The following TSGA10 variants were observed in gnomAD, a reference collection of about 807,000 sequenced individuals.
TSGA10 encodes testis-specific gene 10 protein.
A neutral mutation model predicts 96.6 loss-of-function variants in TSGA10; 43 were observed. The observed-to-expected ratio is 0.44, with a 90% confidence interval of 0.35 to 0.57. The LOEUF is 0.57. Among genes scored for constraint, TSGA10 ranks in the 20% least tolerant of loss-of-function variants. The pLI is 0.01. For missense variants in TSGA10, 703 were observed against 834.4 expected, an observed-to-expected ratio of 0.84 and a Z score of 1.94; for synonymous variants, 229 against 269.9, an observed-to-expected ratio of 0.85 and a Z score of 1.48.
intron 12 of TSGA10, among the ~76,000 whole-genome samples, chr2:99,077,945 G>C (rs1359254518): frequency 6.6e-6 from 1 of 151,858 alleles, no homozygotes; most frequent in Non-Finnish European, 1.5e-5. Context: ...AGCCCTATAT[G>C]ATCTATTCTC....
chr2:99,115,816 T>C (rs1574487715), intron 4 of TSGA10, among the ~76,000 whole-genome samples: 1 of 151,890 alleles, frequency 6.6e-6, no homozygotes, highest in Non-Finnish European at 1.5e-5. Context: ...GAGGTGGAGG[T>C]TGCAGTGAGC....
intron 20 of TSGA10, among the ~76,000 whole-genome samples, chr2:99,014,764 G>A (rs1009852940): frequency 6.6e-6 from 1 of 152,136 alleles, no homozygotes; most frequent in Non-Finnish European, 1.5e-5. Flanking sequence ...AAGAAAAGAA[G>A]AGAGAAGATC....
intron 20 of TSGA10, among the ~76,000 whole-genome samples, chr2:99,016,401 C>A (rs187002837): frequency 2.0e-5 from 3 of 152,076 alleles, no homozygotes; most frequent in Non-Finnish European, 4.4e-5. Context: ...GGGGAAAGGA[C>A]ATCTTATTCA....
intron 16 of TSGA10, among the ~76,000 whole-genome samples, chr2:99,051,473 T>C (rs2083387985): frequency 6.6e-6 from 1 of 152,024 alleles, no homozygotes; most frequent in African/African-American, 2.4e-5. Context: ...AACAAAGCAC[T>C]AAGTAAATGA....
chr2:99,011,473 A>G (rs1189617834), intron 20 of TSGA10, among the ~76,000 whole-genome samples: 2 of 152,206 alleles, frequency 1.3e-5, no homozygotes, highest in Non-Finnish European at 2.9e-5. Context: ...ACAAAGACAA[A>G]AAAGAATTTT....
chr2:99,035,615 T>C (rs1479927261), intron 16 of TSGA10, among the ~76,000 whole-genome samples, 176 bp from the exon 17 acceptor site: 1 of 131,990 alleles, frequency 7.6e-6, no homozygotes, highest in Non-Finnish European at 1.6e-5. Context: ...AATTCAGGTT[T>C]TGACTTTTTT....
intron 5 of TSGA10, among the ~76,000 whole-genome samples, chr2:99,109,722 T>G (rs1259636070): frequency 6.6e-6 from 1 of 152,252 alleles, no homozygotes; most frequent in Non-Finnish European, 1.5e-5. Flanking sequence ...AGCAGTTAGA[T>G]ATCTTTCTTT....
intron 1 of TSGA10, among the ~76,000 whole-genome samples, chr2:99,137,789 CCAA>C (rs1453969691): frequency 6.6e-6 from 1 of 151,198 alleles, no homozygotes; most frequent in African/African-American, 2.4e-5. Flanking sequence ...TATATTTGAA[CCAA>C]CAACATTTGC....
Position 99,154,877 on chromosome 2 carries a change from G to A in TSGA10, c.-805C>T, listed in dbSNP as rs1222221498. ...GCTGCCGGGACCCCACGGCTCCGCA[G>A]GCGGAGAGACTAGGCGCGATCCCTG... On this transcript the variant is annotated 5_prime_UTR_variant, in exon 1 of 21. Transcript: ENST00000393483. The A allele has an allele frequency of 1.1e-5, 4 of 365,124 alleles. No individual in the cohort carries two copies. Among genetic ancestry groups the A allele is most frequent in the African/African-American group, 6.4e-5 (3 of 46,846 alleles). The allele number at this position is 365,124 out of a possible 1,614,324, so 22.6% of individuals were successfully genotyped here. A position where few individuals can be genotyped will look rare whatever the true frequency, so the allele number is the denominator to read the frequency against.
chr2:99,134,920 G>A (rs2093260194), intron 1 of TSGA10, among the ~76,000 whole-genome samples: 1 of 152,228 alleles, frequency 6.6e-6, no homozygotes. Flanking sequence ...GCAAACAGCA[G>A]AAGCTGCAGA....
intron 10 of TSGA10, among the ~76,000 whole-genome samples, chr2:99,101,547 C>T (rs2090732432): frequency 6.6e-6 from 1 of 151,364 alleles, no homozygotes; most frequent in Non-Finnish European, 1.5e-5. Flanking sequence ...GAAGGCAGGT[C>T]ATTAGAAAAT....
chr2:99,102,482 T>A, intron 10 of TSGA10: 1 of 1,614,004 alleles, frequency 6.2e-7, no homozygotes, highest in Non-Finnish European at 8.5e-7. Context: ...TTGCTCTGAT[T>A]TTTGCCATTC....
chr2:99,013,437 A>G (rs931099242), intron 20 of TSGA10, among the ~76,000 whole-genome samples: 1 of 151,844 alleles, frequency 6.6e-6, no homozygotes, highest in Non-Finnish European at 1.5e-5. Context: ...GGTTCACACT[A>G]TTCTCCTGCC....
intron 7 of TSGA10, 49 bp downstream of exon 7, chr2:99,108,784 T>A: frequency 7.3e-7 from 1 of 1,372,570 alleles, no homozygotes; most frequent in Non-Finnish European, 9.8e-7. Context: ...ATTACATAAC[T>A]CTAGAACTCA....
chr2:99,011,367 A>G (rs577066323), intron 20 of TSGA10, among the ~76,000 whole-genome samples: 12 of 152,264 alleles, frequency 7.9e-5, no homozygotes, highest in African/African-American at 2.9e-4. Flanking sequence ...CCTGACTTCA[A>G]GTGATCTGCC....
chr2:99,132,602 T>G (rs2093143772), intron 1 of TSGA10, among the ~76,000 whole-genome samples: 1 of 152,166 alleles, frequency 6.6e-6, no homozygotes, highest in Non-Finnish European at 1.5e-5. Flanking sequence ...CGTGTCTCTA[T>G]CTCCTTCAGT....
intron 1 of TSGA10, among the ~76,000 whole-genome samples, chr2:99,144,628 G>A (rs932415618): frequency 2.3e-4 from 14 of 60,862 alleles, no homozygotes; most frequent in Non-Finnish European, 4.6e-4. Context: ...CAGCCTGGGG[G>A]ACAAGAACAA....
intron 17 of TSGA10, among the ~76,000 whole-genome samples, chr2:99,034,279 G>C (rs1229200249): frequency 6.6e-6 from 1 of 152,000 alleles, no homozygotes; most frequent in African/African-American, 2.4e-5. Flanking sequence ...GCGGGCACCT[G>C]TAATCCCAGC....
chr2:99,092,553 A>G (rs1408436239), intron 10 of TSGA10, among the ~76,000 whole-genome samples: 1 of 152,158 alleles, frequency 6.6e-6, no homozygotes, highest in Non-Finnish European at 1.5e-5. Context: ...AGAAGACAGA[A>G]GATACAAATA....
Sources: allele counts gnomAD v4.1 joint callset (sites outside exome capture counted in the v4.1 genomes callset), GRCh38; gene constraint gnomAD v4.1.1; transcripts MANE v1.5; gene names NCBI Gene and HGNC (gene_info 2026-07-23, HGNC 2026-07-21).